CDS1: variants seen among roughly 807,000 people sequenced by gnomAD.
CDS1 encodes the protein CDP-diacylglycerol synthase 1, also known as phosphatidate cytidylyltransferase 1.
CDS1 carries 41 observed loss-of-function variants against 62.1 expected under a neutral mutation model. The observed-to-expected ratio is 0.66, with a 90% confidence interval of 0.51 to 0.86. The LOEUF (loss-of-function observed/expected upper bound fraction) is 0.86, where lower values mean the gene tolerates loss of function less well. Ranked by LOEUF, CDS1 falls within the 40% of genes least tolerant of loss-of-function variation. The pLI is 0.00. For synonymous variants in CDS1, 185 were observed against 192.6 expected (o/e 0.96, Z 0.32); for missense variants, 470 against 550.1 (o/e 0.85, Z 1.46).
chr4:84,646,604 C>T (rs2148662288), intron 12 of CDS1, among the ~76,000 whole-genome samples: 1 of 152,186 alleles, frequency 6.6e-6, no homozygotes, highest in East Asian at 1.9e-4. Flanking sequence ...GAGATTTTTT[C>T]ACTTTCCTCC....
At chr4:84,633,990 A>G (rs1162093313) in intron 7 of CDS1, 51 bp downstream of exon 7, 34 of 1,083,440 alleles carry the variant, frequency 3.1e-5, no homozygotes, top group Non-Finnish European at 4.4e-5. Flanking sequence ...GCACTTTTAT[A>G]GTTCTTTAAC....
At chr4:84,638,814 A>C in intron 8 of CDS1, 110 bp from the exon 9 acceptor site, 1 of 296,228 alleles carries the variant, frequency 3.4e-6, no homozygotes, top group Non-Finnish European at 6.2e-6. Context: ...GAGAAAAAGT[A>C]AGGAGAGATG....
intron 12 of CDS1, among the ~76,000 whole-genome samples, chr4:84,647,002 T>A (rs1421604205): frequency 6.6e-6 from 1 of 152,128 alleles, no homozygotes; most frequent in East Asian, 1.9e-4. Context: ...AATTGATCCT[T>A]TTGTCATTAT....
At chr4:84,628,499 C>T (rs1723924394) in intron 5 of CDS1, among the ~76,000 whole-genome samples, 1 of 151,850 alleles carries the variant, frequency 6.6e-6, no homozygotes, top group Non-Finnish European at 1.5e-5. Context: ...TTTTCCTGAC[C>T]CCCTTAAAAA....
rs1399314709 is a variant in CDS1 at position 84,638,954 on chromosome 4, A to G, written c.841A>G (p.Ile281Val). ...LSPKKTWEGF[I>V]GGFFSTVVFG... ...TCCTAAAAAGACTTGGGAAGGATTC[A>G]TTGGTGGTTTCTTTTCCACAGTTGT... Residue 281 changes from isoleucine (I) to valine (V), a missense_variant, in exon 9 of 13, where the codon ATT becomes GTT. Physicochemically the swap from Ile to Val is conservative, Grantham distance 29. Coordinates refer to ENST00000295887, the MANE Select transcript of CDS1 (RefSeq NM_001263.4). The G allele has an allele frequency of 1.3e-6, 2 of 1,572,514 alleles. 1 individual carries two copies. The highest frequency in any genetic ancestry group is 1.7e-6 in the Non-Finnish European group (2 of 1,160,402).
chr4:84,597,118 C>T (rs1430040649), intron 1 of CDS1, among the ~76,000 whole-genome samples: 1 of 152,112 alleles, frequency 6.6e-6, no homozygotes, highest in African/African-American at 2.4e-5. Context: ...TGGGATCCAC[C>T]ACAAAGTGTA....
intron 1 of CDS1, among the ~76,000 whole-genome samples, chr4:84,602,779 T>C (rs1722976297): frequency 6.6e-6 from 1 of 152,158 alleles, no homozygotes; most frequent in African/African-American, 2.4e-5. Context: ...TGCCCTGCCA[T>C]TTTCTGAAGG....
At chr4:84,604,063 A>T (rs1723017084) in intron 1 of CDS1, among the ~76,000 whole-genome samples, 180 bp from the exon 2 acceptor site, 1 of 152,236 alleles carries the variant, frequency 6.6e-6, no homozygotes, top group Non-Finnish European at 1.5e-5. Context: ...TTTAGCGAAG[A>T]TAGTCAAACT....
At chr4:84,646,158 A>G (rs1056401436) in intron 12 of CDS1, among the ~76,000 whole-genome samples, 4 of 152,210 alleles carry the variant, frequency 2.6e-5, no homozygotes, top group Non-Finnish European at 5.9e-5. Flanking sequence ...ATATTTAGCA[A>G]TCCCTAAATA....
chr4:84,647,393 G>A (rs1724588595), intron 12 of CDS1, among the ~76,000 whole-genome samples: 1 of 152,142 alleles, frequency 6.6e-6, no homozygotes, highest in African/African-American at 2.4e-5. Context: ...TGTCCTCTCA[G>A]TAGGGAGGTG....
intron 1 of CDS1, among the ~76,000 whole-genome samples, chr4:84,589,782 A>G (rs1722528007): frequency 6.6e-6 from 1 of 152,082 alleles, no homozygotes; most frequent in South Asian, 2.1e-4. Context: ...GTATTTGAGA[A>G]TTGGAAGTTT....
chr4:84,583,272 A>C lies in CDS1; in HGVS notation c.-130A>C. The stretch of plus-strand genomic sequence containing the variant: ...GGCCGCTCTATGGTGGGGCCGCGTT[A>C]GTGGCTGCGGCTCCGCGGGACTCCA... On this transcript the variant is annotated 5_prime_UTR_variant, in exon 1 of 13. The change abolishes the stop of an existing upstream ORF in the 5' untranslated region. Coordinates refer to ENST00000295887, the MANE Select transcript of CDS1 (RefSeq NM_001263.4). The C allele has an allele frequency of 1.6e-6, 1 of 627,014 alleles. No homozygotes were observed. The highest frequency in any genetic ancestry group is 2.7e-6 in the Non-Finnish European group (1 of 364,968). 38.8% of individuals were successfully genotyped at this position (627,014 alleles called of 1,614,324 possible). A position where few individuals can be genotyped will look rare whatever the true frequency, so the allele number is the denominator to read the frequency against.
At chr4:84,609,071 C>T (rs936069936) in intron 2 of CDS1, among the ~76,000 whole-genome samples, 5 of 149,358 alleles carry the variant, frequency 3.3e-5, no homozygotes, top group South Asian at 2.1e-4. Flanking sequence ...CCCAGCTACT[C>T]GGGAGGCTGA....
intron 1 of CDS1, among the ~76,000 whole-genome samples, chr4:84,592,147 A>G (rs893918169): frequency 6.8e-6 from 1 of 147,522 alleles, no homozygotes; most frequent in Non-Finnish European, 1.5e-5. Flanking sequence ...AATTTCATTA[A>G]TGACCAATTT....
chr4:84,638,820 A>C (rs1235465278), intron 8 of CDS1, 104 bp from the exon 9 acceptor site: 1 of 303,912 alleles, frequency 3.3e-6, no homozygotes, highest in African/African-American at 2.2e-5. Context: ...AAGTAAGGAG[A>C]GATGTACAAG....
chr4:84,591,320 T>A (rs918324280), intron 1 of CDS1, among the ~76,000 whole-genome samples: 8 of 152,234 alleles, frequency 5.3e-5, no homozygotes, highest in African/African-American at 1.9e-4. Flanking sequence ...TTTATTTCAG[T>A]GTAAAGAACA....
intron 2 of CDS1, among the ~76,000 whole-genome samples, chr4:84,604,843 CCT>C (rs1723043726): frequency 6.6e-6 from 1 of 151,950 alleles, no homozygotes; most frequent in South Asian, 2.1e-4. Flanking sequence ...GTCTTAAACT[CCT>C]GGGCTCAAGC....
Position 84,643,047 on chromosome 4 carries a change from C to A in CDS1, c.1056C>A (p.Phe352Leu). ...LRQERVSLYP[F>L]QIHSIALSTF... ...AGGAAAGAGTGAGCTTGTACCCTTTCCAGATCCACAGCATTGCACTGTCAA... is the reference window on the plus strand; with the variant it reads ...AGGAAAGAGTGAGCTTGTACCCTTTACAGATCCACAGCATTGCACTGTCAA... The change falls in exon 11 of 13, where the codon TTC (phenylalanine) becomes TTA (leucine). Residue 352 changes from phenylalanine to leucine, a missense_variant. Around this residue, in one of 5 missense-constraint regions of CDS1, gnomAD observed 214 missense variants for 242.4 expected, o/e 0.88. Transcript: ENST00000295887. The A allele has an allele frequency of 6.2e-7, 1 of 1,610,208 alleles. No homozygotes were observed. The highest frequency in any genetic ancestry group is 1.1e-5 in the South Asian group (1 of 90,106).
intron 5 of CDS1, among the ~76,000 whole-genome samples, chr4:84,619,775 G>A (rs1274662299): frequency 6.6e-6 from 1 of 152,010 alleles, no homozygotes; most frequent in Non-Finnish European, 1.5e-5. Flanking sequence ...GCTCACTCCT[G>A]TAATCCCAGC....
Sources: allele counts gnomAD v4.1 joint callset (sites outside exome capture counted in the v4.1 genomes callset), GRCh38; gene constraint gnomAD v4.1.1; regional missense constraint gnomAD v4.1.1; transcripts MANE v1.5; gene names NCBI Gene and HGNC (gene_info 2026-07-23, HGNC 2026-07-21).